GPM6A: variants seen among roughly 807,000 people sequenced by gnomAD.
The protein encoded by GPM6A is neuronal membrane glycoprotein M6-a.
Under a neutral mutation model 32.1 loss-of-function variants are expected in GPM6A, and 7 were observed. That is an observed-to-expected ratio of 0.22 (90% CI 0.12 to 0.41). GPM6A has a LOEUF of 0.41. Ranked by LOEUF, GPM6A falls within the 10% of genes least tolerant of loss-of-function variation. The pLI, the probability that GPM6A is intolerant of heterozygous loss-of-function variation, is 1.00. For missense variants in GPM6A, 235 were observed against 347.2 expected (o/e 0.68, Z 2.57); for synonymous variants, 130 against 123.4 (o/e 1.05, Z -0.35).
intron 1 of GPM6A, among the ~76,000 whole-genome samples, chr4:175,932,084 G>A (rs1739065779): frequency 7.1e-6 from 1 of 141,838 alleles, no homozygotes; most frequent in Non-Finnish European, 1.5e-5. Flanking sequence ...GCCAGAGTGA[G>A]ATCTTGCCTC....
chr4:175,761,540 A>G (rs184478860), intron 1 of GPM6A, among the ~76,000 whole-genome samples: 55 of 152,300 alleles, frequency 3.6e-4, no homozygotes, highest in African/African-American at 1.2e-3. Flanking sequence ...ATTGACCCAC[A>G]ATTGTATTTA....
chr4:175,883,895 A>C (rs897826477), intron 1 of GPM6A, among the ~76,000 whole-genome samples: 1 of 152,236 alleles, frequency 6.6e-6, no homozygotes, highest in Non-Finnish European at 1.5e-5. Context: ...TAGTTTTTAC[A>C]ACCAATTTGC....
intron 1 of GPM6A, among the ~76,000 whole-genome samples, chr4:175,736,876 T>A (rs942774572): frequency 1.6e-4 from 25 of 152,228 alleles, no homozygotes; most frequent in Non-Finnish European, 3.7e-4. Flanking sequence ...AATGACATCA[T>A]AGGCATTATA....
intron 3 of GPM6A, among the ~76,000 whole-genome samples, chr4:175,669,129 G>A (rs1186120346): frequency 2.0e-5 from 3 of 152,080 alleles, no homozygotes; most frequent in Non-Finnish European, 4.4e-5. Context: ...TATAGTATGG[G>A]CATATATAAG....
chr4:175,863,455 C>T (rs139089224), intron 1 of GPM6A, among the ~76,000 whole-genome samples: 62 of 152,018 alleles, frequency 4.1e-4, no homozygotes, highest in East Asian at 1.2e-3. Flanking sequence ...TGAACTAATA[C>T]GCCACAATAT....
intron 2 of GPM6A, among the ~76,000 whole-genome samples, chr4:175,681,156 T>A (rs1743662254): frequency 6.6e-6 from 1 of 152,178 alleles, no homozygotes; most frequent in African/African-American, 2.4e-5. Context: ...ACATATGTAG[T>A]TTTGTTACGT....
intron 1 of GPM6A, among the ~76,000 whole-genome samples, chr4:175,819,075 A>G (rs962747243): frequency 1.3e-5 from 2 of 152,226 alleles, no homozygotes; most frequent in African/African-American, 4.8e-5. Context: ...AAAATGCCAG[A>G]AAGCAAGAGT....
intron 1 of GPM6A, among the ~76,000 whole-genome samples, chr4:175,730,533 C>T (rs1222696424): frequency 6.8e-6 from 1 of 146,362 alleles, no homozygotes; most frequent in Non-Finnish European, 1.5e-5. Context: ...TGCAGTGGCG[C>T]GATCTCGGCT....
intron 1 of GPM6A, among the ~76,000 whole-genome samples, chr4:175,877,576 T>C (rs1737124625): frequency 1.3e-5 from 2 of 152,012 alleles, no homozygotes; most frequent in East Asian, 3.9e-4. Flanking sequence ...TATGAAACCA[T>C]CAAATGTTGT....
intron 3 of GPM6A, among the ~76,000 whole-genome samples, chr4:175,670,439 T>C (rs745512140): frequency 6.6e-6 from 1 of 152,202 alleles, no homozygotes; most frequent in Non-Finnish European, 1.5e-5. Context: ...GGAATAAATA[T>C]GTTTTGGCTT....
intron 1 of GPM6A, chr4:175,787,782 A>G (rs1194167281): frequency 4.8e-6 from 1 of 209,594 alleles, no homozygotes; most frequent in East Asian, 1.8e-4. Flanking sequence ...GCTTTACCTT[A>G]CAGAATATAG....
chr4:175,896,824 T>C (rs1239343235), intron 1 of GPM6A, among the ~76,000 whole-genome samples: 2 of 152,180 alleles, frequency 1.3e-5, no homozygotes, highest in African/African-American at 2.4e-5. Flanking sequence ...TGTTAGTCAA[T>C]GAAAAGACAT....
In GPM6A at chr4:175,931,707, CACATAT is replaced by C. The variant is rs765598815; in HGVS notation, c.-23+70596_-23+70601del. Among the ~76,000 whole-genome samples, 65 of 143,828 alleles carry C rather than the reference CACATAT, an allele frequency of 4.5e-4. 2 individuals carry two copies. The East Asian group carries it at 7.9e-3, about 18-fold the overall frequency. The allele number at this position is 143,828 out of a possible 152,430, so 94.4% of individuals were successfully genotyped here. ...ACACACACACACACACACACACACA[CACATAT>C]ATATATATATATATAGCAGAATTAT... On this transcript the variant is annotated intron_variant, in intron 1 of 7. Transcript: ENST00000280187.
intron 2 of GPM6A, among the ~76,000 whole-genome samples, chr4:175,676,065 T>C (rs1743350656): frequency 6.6e-6 from 1 of 152,096 alleles, no homozygotes; most frequent in Non-Finnish European, 1.5e-5. Context: ...TGAGATCTGA[T>C]GGTTTTCTAA....
chr4:175,970,777 A>G, intron 1 of GPM6A: 1 of 430,014 alleles, frequency 2.3e-6, no homozygotes, highest in South Asian at 1.7e-5. Context: ...CAACTAAAAG[A>G]AAAGCAAGAT....
chr4:175,930,862 T>C (rs28752102), intron 1 of GPM6A, among the ~76,000 whole-genome samples: 5,204 of 152,200 alleles, frequency 0.034, 336 homozygotes, highest in African/African-American at 0.12. Context: ...AATAACTATG[T>C]GGCACTATGT....
intron 1 of GPM6A, among the ~76,000 whole-genome samples, chr4:175,770,218 G>T (rs1450172459): frequency 6.6e-6 from 1 of 152,120 alleles, no homozygotes; most frequent in African/African-American, 2.4e-5. Flanking sequence ...TAGAGACAGG[G>T]TTTCACCATG....
chr4:175,699,177 G>A (rs1269335164), intron 2 of GPM6A, among the ~76,000 whole-genome samples: 1 of 152,122 alleles, frequency 6.6e-6, no homozygotes, highest in Non-Finnish European at 1.5e-5. Flanking sequence ...TCTAGAAAAT[G>A]TCAGTTTTAT....
At chr4:175,953,961 A>T (rs1739901755) in intron 1 of GPM6A, among the ~76,000 whole-genome samples, 1 of 152,064 alleles carries the variant, frequency 6.6e-6, no homozygotes, top group Non-Finnish European at 1.5e-5. Context: ...TAGAAATGTT[A>T]ACCCAGTTGG....
Sources: allele counts gnomAD v4.1 joint callset (sites outside exome capture counted in the v4.1 genomes callset), GRCh38; gene constraint gnomAD v4.1.1; transcripts MANE v1.5; gene names NCBI Gene and HGNC (gene_info 2026-07-23, HGNC 2026-07-21).